ZNF485: variants seen among roughly 807,000 people sequenced by gnomAD.
ZNF485 encodes the protein zinc finger protein 485, also known as Zinc finger protein 93 (Zinc finger protein HTF34).
Under a neutral mutation model 10.8 loss-of-function variants are expected in ZNF485, and 9 were observed. That is an observed-to-expected ratio of 0.83 (90% CI 0.50 to 1.45). ZNF485 has a LOEUF of 1.45. ZNF485 is among the 40% of genes most tolerant of loss of function. The pLI, the probability that ZNF485 is intolerant of heterozygous loss-of-function variation, is 0.00. For missense variants in ZNF485, 487 were observed against 528.0 expected (o/e 0.92, Z 0.76); for synonymous variants, 187 against 181.0 (o/e 1.03, Z -0.27).
intron 4 of ZNF485, among the ~76,000 whole-genome samples, chr10:43,611,426 A>C (rs1838766241): frequency 6.6e-6 from 1 of 152,060 alleles, no homozygotes; most frequent in South Asian, 2.1e-4. Context: ...TAATTTATGT[A>C]ATCAGTTATC....
At chr10:43,608,487 T>G in intron 2 of ZNF485, 127 bp from the exon 3 acceptor site, 9 of 1,255,396 alleles carry the variant, frequency 7.2e-6, no homozygotes, top group South Asian at 1.5e-5. Context: ...GCCCTCAGCT[T>G]TTACTTGTTG....
intron 4 of ZNF485, among the ~76,000 whole-genome samples, chr10:43,613,431 C>T (rs1838801490): frequency 6.6e-6 from 1 of 152,232 alleles, no homozygotes; most frequent in African/African-American, 2.4e-5. Context: ...CTTCTGAAAA[C>T]TGTAGCGTGC....
chr10:43,606,980 C>T lies in ZNF485; in HGVS notation c.-54-17C>T. 1 of 1,543,794 alleles carries T rather than the reference C, an allele frequency of 6.5e-7. No individual in the cohort carries two copies. Among genetic ancestry groups the T allele is most frequent in the Non-Finnish European group, 8.8e-7 (1 of 1,139,782 alleles). On this transcript the variant is annotated splice_polypyrimidine_tract_variant and intron_variant, in intron 1 of 4. Coordinates refer to ENST00000361807, the MANE Select transcript of ZNF485 (RefSeq NM_145312.4). ...GGGCACGGAGGGACTTCCTCAATTT[C>T]CTCTCTTCTTTCCCAGATTGACTTA...
At chr10:43,613,687 C>T (rs1646596153) in intron 4 of ZNF485, among the ~76,000 whole-genome samples, 2 of 152,166 alleles carry the variant, frequency 1.3e-5, no homozygotes, top group African/African-American at 4.8e-5. Context: ...TTTTTGGTTC[C>T]TACGTGGCTA....
At chr10:43,608,168 T>C (rs3128254) in intron 2 of ZNF485, among the ~76,000 whole-genome samples, 138,514 of 152,260 alleles carry the variant, frequency 0.91, 63,112 homozygotes, top group East Asian at 1. Flanking sequence ...TGAATAAAGC[T>C]TGAACACTTC....
Position 43,608,654 on chromosome 10 carries a change from G to A in ZNF485, c.65G>A (p.Arg22Gln), listed in dbSNP as rs550187571. 288 of 1,613,970 alleles carry A rather than the reference G, an allele frequency of 1.8e-4. No individual in the cohort carries two copies. The Middle Eastern group carries it at 1.8e-3, about 10-fold the overall frequency. ...GGGGATGTGGCTGTGGCCTTTACCC[G>A]GATTGAGTGGAGACACCTGGATGCT... ...TFGDVAVAFTRIEWRHLDAAQ... is the reference protein window; with the variant it reads ...TFGDVAVAFTQIEWRHLDAAQ... Residue 22 changes from arginine (R) to glutamine (Q), a missense_variant, in exon 3 of 5, where the codon CGG becomes CAG. Coordinates refer to ENST00000361807, the MANE Select transcript of ZNF485 (RefSeq NM_145312.4).
Position 43,616,273 on chromosome 10 carries a change from T to G in ZNF485, c.248-18T>G. ...TTTCAACATAAAGAACATTTGAATT[T>G]TTAAAATTTTCTTTCAGTCGAGGAT... On this transcript the variant is annotated intron_variant, in intron 4 of 4. Transcript: ENST00000361807. The G allele has an allele frequency of 6.5e-7, 1 of 1,527,292 alleles. No homozygotes were observed. The highest frequency in any genetic ancestry group is 1.3e-5 in the South Asian group (1 of 76,208). 94.6% of individuals were successfully genotyped at this position (1,527,292 alleles called of 1,614,324 possible).
rs769316717 is a variant in ZNF485 at position 43,616,841 on chromosome 10, A to T, written c.798A>T (p.Gly266=). 1 of 1,614,146 alleles carries T rather than the reference A, an allele frequency of 6.2e-7. No homozygotes were observed. Among genetic ancestry groups the T allele is most frequent in the East Asian group, 2.2e-5 (1 of 44,874 alleles). The change falls in exon 5 of 5, where the codon GGA becomes GGT. Residue 266 remains glycine, a synonymous_variant. Transcript: ENST00000361807. ...ALTRHERIHS[G]EKPFKCNKCG... The stretch of plus-strand genomic sequence containing the variant: ...CTCGTCATGAAAGAATACATAGTGG[A>T]GAGAAGCCTTTTAAATGTAACAAGT...
chr10:43,616,179 T>C, intron 4 of ZNF485, 112 bp from the exon 5 acceptor site: 1 of 863,990 alleles, frequency 1.2e-6, no homozygotes, highest in Non-Finnish European at 1.7e-6. Context: ...ACATTAATAA[T>C]TTTTCATAAC....
chr10:43,612,586 T>C (rs1300420465), intron 4 of ZNF485, among the ~76,000 whole-genome samples: 1 of 152,190 alleles, frequency 6.6e-6, no homozygotes, highest in Admixed American at 6.5e-5. Context: ...ACAGTTTTAG[T>C]AATTTATAAT....
intron 1 of ZNF485, 64 bp downstream of exon 1, chr10:43,606,610 G>T: frequency 3.5e-6 from 1 of 289,594 alleles, no homozygotes; most frequent in Non-Finnish European, 6.5e-6. Flanking sequence ...GGTGCTCCCC[G>T]CCTTTCCCAG....
At chr10:43,610,945 C>T (rs759586788) in intron 4 of ZNF485, among the ~76,000 whole-genome samples, 18 of 152,298 alleles carry the variant, frequency 1.2e-4, no homozygotes, top group Non-Finnish European at 2.4e-4. Context: ...CACATGGTAG[C>T]ACACTCTTTT....
At chr10:43,607,887 A>G (rs1286203919) in intron 2 of ZNF485, among the ~76,000 whole-genome samples, 3 of 152,136 alleles carry the variant, frequency 2.0e-5, no homozygotes, top group South Asian at 2.1e-4. Context: ...TGGGACCTTG[A>G]GCAAGTTCTT....
At chr10:43,608,405 T>C (rs1372444477) in intron 2 of ZNF485, among the ~76,000 whole-genome samples, 1 of 152,166 alleles carries the variant, frequency 6.6e-6, no homozygotes, top group Non-Finnish European at 1.5e-5. Context: ...GAGCAGAGGC[T>C]AGGCCTGGAG....
rs200165818 is a variant in ZNF485 at position 43,609,315 on chromosome 10, C to T, written c.212C>T (p.Thr71Ile). ...TTGGAGCAAGGGGCAGAGCCCTGGA[C>T]TGAGGTGCGAGAGGCTCCATCAGGC... ...TQLEQGAEPW[T>I]EVREAPSGTH... Residue 71 changes from threonine to isoleucine, a missense_variant, in exon 4 of 5, where the codon ACT becomes ATT. By Grantham distance (89) the Thr-to-Ile change is moderately conservative (BLOSUM62 -1). Transcript: ENST00000361807. 1.1e-5 allele frequency: 18 copies of T among 1,613,976 alleles called. No homozygotes were observed. In the Admixed American group the frequency reaches 2.0e-4, roughly 18 times the overall value.
At position 43,616,713 on chromosome 10, in the gene ZNF485, AG is replaced by A; in HGVS notation, c.671del (p.Arg224LysfsTer7). On this transcript the variant is annotated frameshift_variant, in exon 5 of 5. Transcript: ENST00000361807. LOFTEE classifies it low-confidence loss of function (END_TRUNC). Reference sequence around the variant, plus strand: ...ATGCATTGAATGTGGAAAAACTTTCAGAAAGAACTCAATCCTTTTAAGTCAT... The same window carrying A: ...ATGCATTGAATGTGGAAAAACTTTCAAAAGAACTCAATCCTTTTAAGTCAT... ...HKCIECGKTF[R>X]KNSILLSHQR... 1.2e-6 allele frequency: 2 copies of A among 1,614,166 alleles called. No homozygotes were observed. Among genetic ancestry groups the A allele is most frequent in the Non-Finnish European group, 1.7e-6 (2 of 1,180,050 alleles).
chr10:43,616,203 G>T, intron 4 of ZNF485, 88 bp from the exon 5 acceptor site: 1 of 1,101,450 alleles, frequency 9.1e-7, no homozygotes, highest in South Asian at 1.7e-5. Context: ...TAGTTATGTA[G>T]AATAGAACAT....
rs770550209 is a variant in ZNF485, at chr10:43,608,713, G to C, written c.124G>C (p.Glu42Gln). 6 of 1,614,056 alleles carry C rather than the reference G, an allele frequency of 3.7e-6. No individual in the cohort carries two copies. The Admixed American group carries it at 8.3e-5, about 22-fold the overall frequency. Residue 42 changes from glutamate to glutamine, a missense_variant, in exon 3 of 5, where the codon GAG becomes CAG. Transcript: ENST00000361807. ...QRALYRDVML[E>Q]NYGNLVSVGL... The stretch of plus-strand genomic sequence containing the variant: ...GGCCCTGTACAGGGATGTGATGCTG[G>C]AGAACTATGGGAATCTGGTGTCTGT...
At chr10:43,608,557 C>T (rs1838699863) in intron 2 of ZNF485, 57 bp from the exon 3 acceptor site, 1 of 1,555,392 alleles carries the variant, frequency 6.4e-7, no homozygotes, top group Admixed American at 2.0e-5. Flanking sequence ...GCTTCCTTCT[C>T]TTGGGATGCC....
Sources: allele counts gnomAD v4.1 joint callset (sites outside exome capture counted in the v4.1 genomes callset), GRCh38; gene constraint gnomAD v4.1.1; transcripts MANE v1.5; gene names NCBI Gene and HGNC (gene_info 2026-07-23, HGNC 2026-07-21).